Variants in HOXD4 observed in about 807,000 individuals in gnomAD.
The protein encoded by HOXD4 is homeobox protein Hox-D4.
HOXD4 carries 15 observed loss-of-function variants against 22.6 expected under a neutral mutation model. The observed-to-expected ratio is 0.67, with a 90% CI of 0.45 to 1.02. The LOEUF (loss-of-function observed/expected upper bound fraction) is 1.02. HOXD4 is among the 50% of genes least tolerant of loss of function. The pLI is 0.00. For missense variants in HOXD4, 350 were observed against 346.6 expected (o/e 1.01, Z -0.08); for synonymous variants, 176 against 157.0 (o/e 1.12, Z -0.90).
Position 176,152,657 on chromosome 2 carries a change from C to T in HOXD4, c.483C>T (p.Tyr161=), listed in dbSNP as rs531230963. Residue 161 remains tyrosine (Y), a synonymous_variant, in exon 2 of 2, where the codon TAC becomes TAT. Coordinates refer to ENST00000306324, the MANE Select transcript of HOXD4 (RefSeq NM_014621.3). The surrounding 1 kb of genome is among the most constrained non-coding windows in gnomAD (Gnocchi z 5.2). The part of the protein sequence containing the change: ...GGEPKRSRTA[Y]TRQQVLELEK... The stretch of plus-strand genomic sequence containing the variant: ...AACCCAAGCGGTCCCGAACGGCCTA[C>T]ACCCGGCAGCAAGTCCTAGAACTGG... The T allele has an allele frequency of 2.5e-6, 4 of 1,614,052 alleles. No individual in the cohort carries two copies. The South Asian group carries it at 4.4e-5, about 18-fold the overall frequency.
rs751299970 is a variant in HOXD4, at chr2:176,152,902, C to T, written c.728C>T (p.Pro243Leu). ...GTCGCCCCCAGCCAGCATTTACAGCCGATGGCCAAAGACCACCACACGGAC... is the reference window on the plus strand; with the variant it reads ...GTCGCCCCCAGCCAGCATTTACAGCTGATGGCCAAAGACCACCACACGGAC... ...SSVAPSQHLQ[P>L]MAKDHHTDLT... The change falls in exon 2 of 2, where the codon CCG becomes CTG. Residue 243 changes from proline to leucine, a missense_variant. Transcript: ENST00000306324. This position sits in a 1 kb window ranked among gnomAD's most constrained non-coding sequence, Gnocchi z 5.2. 1.7e-5 allele frequency: 27 copies of T among 1,614,070 alleles called. No homozygotes were observed. The highest frequency in any genetic ancestry group is 3.3e-5 in the South Asian group (3 of 91,078).
rs1163359030 is a variant in HOXD4 at position 176,152,735 on chromosome 2, C to G, written c.561C>G (p.Ile187Met). ...TGACAAGGCGCCGTCGGATTGAAAT[C>G]GCTCACACCCTGTGTCTGTCGGAGC... ...RYLTRRRRIE[I>M]AHTLCLSERQ... The change falls in exon 2 of 2, where the codon ATC becomes ATG. Residue 187 changes from isoleucine to methionine, a missense_variant. Transcript: ENST00000306324. The surrounding 1 kb of genome is among the most constrained non-coding windows in gnomAD (Gnocchi z 5.2). The G allele has an allele frequency of 6.2e-7, 1 of 1,614,172 alleles. No homozygotes were observed. Among genetic ancestry groups the G allele is most frequent in the Admixed American group, 1.7e-5 (1 of 60,024 alleles).
Position 176,152,995 on chromosome 2 carries a change from G to A in HOXD4, c.*53G>A. On this transcript the variant is annotated 3_prime_UTR_variant, in exon 2 of 2. Transcript: ENST00000306324. This position sits in a 1 kb window ranked among gnomAD's most constrained non-coding sequence, Gnocchi z 5.2. The stretch of plus-strand genomic sequence containing the variant: ...CTGCGCACCAGGCTGAGCCGAAGCT[G>A]CGGGGGCAGGCCGGGCCTGCTGTCA... 6.4e-7 allele frequency: 1 copy of A among 1,569,624 alleles called. No homozygotes were observed. Among genetic ancestry groups the A allele is most frequent in the South Asian group, 1.1e-5 (1 of 90,134 alleles).
In HOXD4 at chr2:176,152,087, C is replaced by T; in HGVS notation, c.433+21C>T. 2 of 1,605,718 alleles carry T rather than the reference C, an allele frequency of 1.2e-6. No homozygotes were observed. Among genetic ancestry groups the T allele is most frequent in the Non-Finnish European group, 1.7e-6 (2 of 1,172,878 alleles). ...TTCGGGTAAGGCTAGGGTCCAGTAA[C>T]CTTTCTGTCCACATCCCAGCCCGTT... On this transcript the variant is annotated intron_variant, in intron 1 of 1. Coordinates refer to ENST00000306324, the MANE Select transcript of HOXD4 (RefSeq NM_014621.3). This position sits in a 1 kb window ranked among gnomAD's most constrained non-coding sequence, Gnocchi z 5.2.
chr2:176,151,915 G>T lies in HOXD4; in HGVS notation c.282G>T (p.Glu94Asp), dbSNP rs772092824. ...GPGGHYAAPG[E>D]PCPAPPAPPP... ...GCGGTCACTACGCCGCTCCAGGAGA[G>T]CCTTGCCCAGCTCCCCCGGCGCCTC... Residue 94 changes from glutamate (E) to aspartate (D), a missense_variant, in exon 1 of 2, where the codon GAG becomes GAT. Coordinates refer to ENST00000306324, the MANE Select transcript of HOXD4 (RefSeq NM_014621.3). 6.3e-7 allele frequency: 1 copy of T among 1,598,764 alleles called. No homozygotes were observed. Among genetic ancestry groups the T allele is most frequent in the East Asian group, 2.3e-5 (1 of 44,338 alleles).
rs1026267238 is a variant in HOXD4, at chr2:176,151,568, G to C, written c.-66G>C. 2.2e-6 allele frequency: 3 copies of C among 1,392,674 alleles called. No individual in the cohort carries two copies. The Admixed American group carries it at 5.1e-5, about 23-fold the overall frequency. 86.3% of individuals were successfully genotyped at this position (1,392,674 alleles called of 1,614,324 possible). A position where few individuals can be genotyped will look rare whatever the true frequency, so the allele number is the denominator to read the frequency against. Reference sequence around the variant, plus strand: ...TTTATTCAGTTGACAGCAAGTAGGAGGGCCCTATGGAAGGAGAAAAAAAGA... The same window carrying C: ...TTTATTCAGTTGACAGCAAGTAGGACGGCCCTATGGAAGGAGAAAAAAAGA... On this transcript the variant is annotated 5_prime_UTR_variant, in exon 1 of 2. Coordinates refer to ENST00000306324, the MANE Select transcript of HOXD4 (RefSeq NM_014621.3).
rs968968633 is a variant in HOXD4, at chr2:176,152,165, C to T, written c.433+99C>T. The T allele has an allele frequency of 3.0e-6, 3 of 1,009,966 alleles. No homozygotes were observed. The highest frequency in any genetic ancestry group is 3.9e-5 in the Admixed American group (2 of 51,788). 62.6% of individuals were successfully genotyped at this position (1,009,966 alleles called of 1,614,324 possible). A position where few individuals can be genotyped will look rare whatever the true frequency, so the allele number is the denominator to read the frequency against. On this transcript the variant is annotated intron_variant, in intron 1 of 1. Transcript: ENST00000306324. The surrounding 1 kb of genome is among the most constrained non-coding windows in gnomAD (Gnocchi z 5.2). ...AGTAGGTGGGGGCGTGTGGAGCTTC[C>T]ATGGGCGCCGCAATTACTCTCCCCA...
At position 176,152,506 on chromosome 2, in the gene HOXD4, G is replaced by A; in HGVS notation, c.434-102G>A. Reference sequence around the variant, plus strand: ...AGCGAGCTTGGGAGCGCGCGGGGAGGGCCGCGGGCCTCGGGGCGCGCCAGG... The same window carrying A: ...AGCGAGCTTGGGAGCGCGCGGGGAGAGCCGCGGGCCTCGGGGCGCGCCAGG... On this transcript the variant is annotated intron_variant, in intron 1 of 1. Transcript: ENST00000306324. This position sits in a 1 kb window ranked among gnomAD's most constrained non-coding sequence, Gnocchi z 5.2. 2.0e-6 allele frequency: 2 copies of A among 984,254 alleles called. No homozygotes were observed. Among genetic ancestry groups the A allele is most frequent in the East Asian group, 2.5e-5 (1 of 40,346 alleles). 61.0% of individuals were successfully genotyped at this position (984,254 alleles called of 1,614,324 possible).
At position 176,151,875 on chromosome 2, in the gene HOXD4, A is replaced by C. The variant is rs104893636; in HGVS notation, c.242A>C (p.Glu81Ala). ...SALPARGHGQ[E>A]PGGPGGHYAA... is the part of the protein sequence containing the mutation. The stretch of plus-strand genomic sequence containing the variant: ...CTGCCTGCGCGGGGTCACGGACAAG[A>C]GCCAGGCGGCCCCGGCGGTCACTAC... Residue 81 changes from glutamate to alanine, a missense_variant, in exon 1 of 2, where the codon GAG becomes GCG. Transcript: ENST00000306324. The C allele has an allele frequency of 6.3e-7, 1 of 1,585,294 alleles. No homozygotes were observed. Among genetic ancestry groups the C allele is most frequent in the South Asian group, 1.1e-5 (1 of 88,800 alleles).
Position 176,153,020 on chromosome 2 carries a change from A to C in HOXD4, c.*78A>C. The C allele has an allele frequency of 2.2e-6, 3 of 1,392,800 alleles. No individual in the cohort carries two copies. Among genetic ancestry groups the C allele is most frequent in the Non-Finnish European group, 3.1e-6 (3 of 982,856 alleles). The allele number at this position is 1,392,800 out of a possible 1,614,324, so 86.3% of individuals were successfully genotyped here. A position where few individuals can be genotyped will look rare whatever the true frequency, so the allele number is the denominator to read the frequency against. ...GCGGGGGCAGGCCGGGCCTGCTGTCACCTCGCTGGGCTCTAAGGTACTGTG... is the reference window on the plus strand; with the variant it reads ...GCGGGGGCAGGCCGGGCCTGCTGTCCCCTCGCTGGGCTCTAAGGTACTGTG... On this transcript the variant is annotated 3_prime_UTR_variant, in exon 2 of 2. Transcript: ENST00000306324.
At position 176,151,752 on chromosome 2, in the gene HOXD4, G is replaced by A. The variant is rs1453103642; in HGVS notation, c.119G>A (p.Gly40Asp). 1 of 1,612,942 alleles carries A rather than the reference G, an allele frequency of 6.2e-7. No individual in the cohort carries two copies. The highest frequency in any genetic ancestry group is 1.7e-5 in the Admixed American group (1 of 60,012). Residue 40 changes from glycine (G) to aspartate (D), a missense_variant, in exon 1 of 2, where the codon GGC becomes GAC. Coordinates refer to ENST00000306324, the MANE Select transcript of HOXD4 (RefSeq NM_014621.3). ...GEQGADYYGG[G>D]AQGADFQPPG... ...CAGGGCGCCGACTACTACGGCGGCGGCGCGCAGGGCGCAGACTTCCAGCCC... is the reference window on the plus strand; with the variant it reads ...CAGGGCGCCGACTACTACGGCGGCGACGCGCAGGGCGCAGACTTCCAGCCC...
Position 176,152,056 on chromosome 2 carries a change from C to T in HOXD4, c.423C>T (p.His141=), listed in dbSNP as rs1241255562. The T allele has an allele frequency of 6.2e-7, 1 of 1,613,326 alleles. No individual in the cohort carries two copies. The highest frequency in any genetic ancestry group is 2.2e-5 in the East Asian group (1 of 44,868). ...AVVYPWMKKV[H]VNSVNPNYTG... is the part of the protein sequence containing the mutation. ...TCTACCCCTGGATGAAGAAGGTGCA[C>T]GTGAATTCGGGTAAGGCTAGGGTCC... The change falls in exon 1 of 2, where the codon CAC becomes CAT. Residue 141 remains histidine, a synonymous_variant. Coordinates refer to ENST00000306324, the MANE Select transcript of HOXD4 (RefSeq NM_014621.3). This position sits in a 1 kb window ranked among gnomAD's most constrained non-coding sequence, Gnocchi z 5.2.
In HOXD4 at chr2:176,152,961, C is replaced by A; in HGVS notation, c.*19C>A. The A allele has an allele frequency of 4.3e-6, 7 of 1,610,164 alleles. No homozygotes were observed. The highest frequency in any genetic ancestry group is 6.0e-6 in the Non-Finnish European group (7 of 1,176,400). On this transcript the variant is annotated 3_prime_UTR_variant, in exon 2 of 2. Transcript: ENST00000306324. This position sits in a 1 kb window ranked among gnomAD's most constrained non-coding sequence, Gnocchi z 5.2. Reference sequence around the variant, plus strand: ...CTTATAGAAGTGGGGACCCTGGGCCCATCTCTCCCTGCGCACCAGGCTGAG... The same window carrying A: ...CTTATAGAAGTGGGGACCCTGGGCCAATCTCTCCCTGCGCACCAGGCTGAG...
chr2:176,152,499 C>A lies in HOXD4; in HGVS notation c.434-109C>A. 1 of 885,054 alleles carries A rather than the reference C, an allele frequency of 1.1e-6. No individual in the cohort carries two copies. The highest frequency in any genetic ancestry group is 1.8e-5 in the African/African-American group (1 of 56,902). The allele number at this position is 885,054 out of a possible 1,614,324, so 54.8% of individuals were successfully genotyped here. A position where few individuals can be genotyped will look rare whatever the true frequency, so the allele number is the denominator to read the frequency against. On this transcript the variant is annotated intron_variant, in intron 1 of 1. Coordinates refer to ENST00000306324, the MANE Select transcript of HOXD4 (RefSeq NM_014621.3). This position sits in a 1 kb window ranked among gnomAD's most constrained non-coding sequence, Gnocchi z 5.2. ...GGAAGCAAGCGAGCTTGGGAGCGCG[C>A]GGGGAGGGCCGCGGGCCTCGGGGCG...
chr2:176,151,678 C>A lies in HOXD4; in HGVS notation c.45C>A (p.Pro15=). 1 of 1,613,548 alleles carries A rather than the reference C, an allele frequency of 6.2e-7. No homozygotes were observed. Among genetic ancestry groups the A allele is most frequent in the South Asian group, 1.1e-5 (1 of 91,082 alleles). ...SYMVNSKYVD[P]KFPPCEEYLQ... is the part of the protein sequence containing the mutation. ...TGGTGAACTCCAAGTATGTGGACCC[C>A]AAGTTCCCTCCGTGCGAGGAGTATT... The change falls in exon 1 of 2, where the codon CCC becomes CCA. Residue 15 remains proline (P), a synonymous_variant. Coordinates refer to ENST00000306324, the MANE Select transcript of HOXD4 (RefSeq NM_014621.3).
Position 176,153,202 on chromosome 2 carries a change from C to A in HOXD4, c.*260C>A. On this transcript the variant is annotated 3_prime_UTR_variant, in exon 2 of 2. Coordinates refer to ENST00000306324, the MANE Select transcript of HOXD4 (RefSeq NM_014621.3). ...AGCTACTGAGAACATAAAATCTTGG[C>A]GAGTCATTAAACTTATGAAAATCAC... The A allele has an allele frequency of 2.0e-6, 1 of 505,882 alleles. No homozygotes were observed. The highest frequency in any genetic ancestry group is 3.5e-6 in the Non-Finnish European group (1 of 283,030). The allele number at this position is 505,882 out of a possible 1,614,324, so 31.3% of individuals were successfully genotyped here.
rs963533502 is a variant in HOXD4, at chr2:176,152,966, C to A, written c.*24C>A. ...AGAAGTGGGGACCCTGGGCCCATCT[C>A]TCCCTGCGCACCAGGCTGAGCCGAA... On this transcript the variant is annotated 3_prime_UTR_variant, in exon 2 of 2. Coordinates refer to ENST00000306324, the MANE Select transcript of HOXD4 (RefSeq NM_014621.3). The surrounding 1 kb of genome is among the most constrained non-coding windows in gnomAD (Gnocchi z 5.2). 2.0e-5 allele frequency: 32 copies of A among 1,607,292 alleles called. No individual in the cohort carries two copies. The highest frequency in any genetic ancestry group is 2.7e-5 in the African/African-American group (2 of 74,804).
rs1690560815 is a variant in HOXD4, at chr2:176,152,534, G to A, written c.434-74G>A. The A allele has an allele frequency of 4.6e-6, 6 of 1,309,402 alleles. No homozygotes were observed. The Admixed American group carries it at 6.9e-5, about 15-fold the overall frequency. 81.1% of individuals were successfully genotyped at this position (1,309,402 alleles called of 1,614,324 possible). A position where few individuals can be genotyped will look rare whatever the true frequency, so the allele number is the denominator to read the frequency against. ...CGCGGGCCTCGGGGCGCGCCAGGAA[G>A]TGAGCGGCGGAGGCGAGGGGCCTAA... On this transcript the variant is annotated intron_variant, in intron 1 of 1. Coordinates refer to ENST00000306324, the MANE Select transcript of HOXD4 (RefSeq NM_014621.3). This position sits in a 1 kb window ranked among gnomAD's most constrained non-coding sequence, Gnocchi z 5.2.
chr2:176,152,551 G>C lies in HOXD4; in HGVS notation c.434-57G>C. 7.0e-7 allele frequency: 1 copy of C among 1,430,752 alleles called. No individual in the cohort carries two copies. 88.6% of individuals were successfully genotyped at this position (1,430,752 alleles called of 1,614,324 possible). On this transcript the variant is annotated intron_variant, in intron 1 of 1. Coordinates refer to ENST00000306324, the MANE Select transcript of HOXD4 (RefSeq NM_014621.3). The surrounding 1 kb of genome is among the most constrained non-coding windows in gnomAD (Gnocchi z 5.2). ...GCCAGGAAGTGAGCGGCGGAGGCGA[G>C]GGGCCTAACTAGTGGCCGGGCGCTG...
Sources: gnomAD v4.1 joint callset for allele counts on GRCh38, gnomAD v4.1.1 for gene constraint, Gnocchi (gnomAD v3.1) non-coding constraint, MANE v1.5 for transcripts, NCBI Gene and HGNC (gene_info 2026-07-23, HGNC 2026-07-21) for gene names.